ELMO1: variants seen among roughly 807,000 people sequenced by gnomAD.
ELMO1 encodes engulfment and cell motility 1.
ELMO1 carries 26 observed loss-of-function variants against 98.9 expected under a neutral mutation model. The observed-to-expected ratio is 0.26, with a 90% CI of 0.19 to 0.36. The LOEUF (loss-of-function observed/expected upper bound fraction) is 0.36. Ranked by LOEUF, ELMO1 falls within the 10% of genes least tolerant of loss-of-function variation. The pLI, the probability that ELMO1 is intolerant of heterozygous loss-of-function variation, is 1.00. For missense variants in ELMO1, 627 were observed against 935.2 expected (o/e 0.67, Z 4.30); for synonymous variants, 346 against 346.0 (o/e 1.00, Z 0.00).
intron 4 of ELMO1, among the ~76,000 whole-genome samples, chr7:37,307,972 G>A (rs572128331): frequency 4.3e-4 from 65 of 152,196 alleles, no homozygotes; most frequent in African/African-American, 1.5e-3. Context: ...AATTAGCCGC[G>A]CATGGTGGCA....
At chr7:37,185,382 T>C (rs1382508290) in intron 13 of ELMO1, among the ~76,000 whole-genome samples, 1 of 152,258 alleles carries the variant, frequency 6.6e-6, no homozygotes, top group Non-Finnish European at 1.5e-5. Flanking sequence ...TAACATTGTA[T>C]TTTAATTTTC....
intron 13 of ELMO1, among the ~76,000 whole-genome samples, chr7:37,172,052 A>C (rs559421859): frequency 6.6e-6 from 1 of 152,362 alleles, no homozygotes; most frequent in South Asian, 2.1e-4. Flanking sequence ...AAAAGATACA[A>C]GCTGGACAAT....
chr7:37,214,174 C>T (rs548408548), intron 11 of ELMO1, among the ~76,000 whole-genome samples: 9 of 152,276 alleles, frequency 5.9e-5, no homozygotes, highest in South Asian at 2.1e-4. Flanking sequence ...GGGACAGCTG[C>T]CACCAACTCA....
At chr7:36,900,511 T>C (rs184516060) in intron 16 of ELMO1, among the ~76,000 whole-genome samples, 1 of 152,288 alleles carries the variant, frequency 6.6e-6, no homozygotes, top group African/African-American at 2.4e-5. Flanking sequence ...AAGCACACTT[T>C]CACAAAGCCA....
chr7:37,198,978 T>A (rs1792126111), intron 13 of ELMO1, among the ~76,000 whole-genome samples: 1 of 152,226 alleles, frequency 6.6e-6, no homozygotes, highest in Non-Finnish European at 1.5e-5. Context: ...ACATCAGAGC[T>A]GCTCTTTATT....
chr7:36,929,818 G>C (rs982418872), intron 16 of ELMO1, among the ~76,000 whole-genome samples: 1 of 152,176 alleles, frequency 6.6e-6, no homozygotes, highest in African/African-American at 2.4e-5. Flanking sequence ...TCCCAAGTGA[G>C]TCCCCTGGAA....
intron 13 of ELMO1, among the ~76,000 whole-genome samples, chr7:37,145,530 C>T (rs1279131800): frequency 1.3e-5 from 2 of 152,216 alleles, no homozygotes; most frequent in East Asian, 3.8e-4. Flanking sequence ...AAGTAGCAAA[C>T]TGTAATCAGG....
chr7:37,262,134 C>A (rs73110820), intron 5 of ELMO1, among the ~76,000 whole-genome samples: 1,774 of 152,212 alleles, frequency 0.012, 27 homozygotes, highest in African/African-American at 0.036. Flanking sequence ...CTTCCTAATT[C>A]ATTTACATGC....
chr7:37,170,068 AT>A (rs553080090), intron 13 of ELMO1, among the ~76,000 whole-genome samples: 2 of 151,726 alleles, frequency 1.3e-5, no homozygotes, highest in Admixed American at 6.6e-5. Flanking sequence ...TGCCCAGCTA[AT>A]TTTTTTTGTA....
chr7:37,193,306 C>T (rs1265188145), intron 13 of ELMO1, among the ~76,000 whole-genome samples: 2 of 152,170 alleles, frequency 1.3e-5, no homozygotes, highest in African/African-American at 4.8e-5. Context: ...CCAACCCGCA[C>T]AGTGATTGTA....
chr7:37,427,508 T>C lies in ELMO1; in HGVS notation c.-74+21167A>G, dbSNP rs76952587. ...CAGATGCCACCAAAACCAACACCACTATGGGATGGCTGAAAACCTATAAAA... is the reference window on the plus strand; with the variant it reads ...CAGATGCCACCAAAACCAACACCACCATGGGATGGCTGAAAACCTATAAAA... On this transcript the variant is annotated intron_variant, in intron 1 of 21. Transcript: ENST00000310758. Among the ~76,000 whole-genome samples, 856 of 152,274 alleles carry C rather than the reference T, an allele frequency of 5.6e-3. 7 individuals carry two copies. Among genetic ancestry groups the C allele is most frequent in the African/African-American group, 0.019 (770 of 41,562 alleles).
intron 13 of ELMO1, among the ~76,000 whole-genome samples, chr7:37,146,758 A>G (rs1788015640): frequency 6.6e-6 from 1 of 152,218 alleles, no homozygotes. Flanking sequence ...AACCTGACCT[A>G]AGAGAGAGAC....
At chr7:37,398,119 T>C (rs551293974) in intron 1 of ELMO1, among the ~76,000 whole-genome samples, 20 of 152,320 alleles carry the variant, frequency 1.3e-4, no homozygotes, top group Non-Finnish European at 2.4e-4. Flanking sequence ...CGTTTACCTA[T>C]ATAACAAACG....
At chr7:37,092,539 C>T (rs112303918) in intron 15 of ELMO1, among the ~76,000 whole-genome samples, 46,199 of 151,692 alleles carry the variant, frequency 0.3, 9,055 homozygotes, top group African/African-American at 0.55. Context: ...CCACCATGCC[C>T]GGCTAATTTT....
At chr7:37,180,545 A>C (rs1480006882) in intron 13 of ELMO1, among the ~76,000 whole-genome samples, 1 of 152,218 alleles carries the variant, frequency 6.6e-6, no homozygotes, top group African/African-American at 2.4e-5. Context: ...CACAGGATGG[A>C]GGACTGCATC....
At chr7:37,106,825 T>C (rs1428822672) in intron 14 of ELMO1, among the ~76,000 whole-genome samples, 1 of 152,220 alleles carries the variant, frequency 6.6e-6, no homozygotes, top group Non-Finnish European at 1.5e-5. Flanking sequence ...TAAATTACTT[T>C]GCAGACATAT....
At chr7:36,896,082 C>T (rs886130923) in intron 16 of ELMO1, among the ~76,000 whole-genome samples, 2 of 152,200 alleles carry the variant, frequency 1.3e-5, no homozygotes, top group South Asian at 2.1e-4. Flanking sequence ...CACCATTCTT[C>T]GTGTCATTTG....
At chr7:37,220,595 T>C (rs1793536901) in intron 10 of ELMO1, among the ~76,000 whole-genome samples, 1 of 152,216 alleles carries the variant, frequency 6.6e-6, no homozygotes, top group African/African-American at 2.4e-5. Flanking sequence ...TTCCATTATA[T>C]TACCATTATT....
intron 1 of ELMO1, among the ~76,000 whole-genome samples, chr7:37,350,175 G>A (rs944785871): frequency 2.0e-5 from 3 of 152,162 alleles, no homozygotes; most frequent in Admixed American, 2.0e-4. Context: ...CAGAAATGAG[G>A]GAACACGGTG....
Sources: gnomAD v4.1 joint callset for allele counts (sites outside exome capture counted in the v4.1 genomes callset) on GRCh38, gnomAD v4.1.1 for gene constraint, MANE v1.5 for transcripts, NCBI Gene and HGNC (gene_info 2026-07-23, HGNC 2026-07-21) for gene names.